The following RCOR1 variants were observed in gnomAD, a reference collection of about 807,000 sequenced individuals.
RCOR1 encodes the protein REST corepressor 1, also known as REST corepressor.
Under a neutral mutation model 64.0 loss-of-function variants are expected in RCOR1, and 12 were observed. The ratio of observed to expected loss-of-function variants is 0.19; its 90% CI spans 0.12 to 0.30. The LOEUF (loss-of-function observed/expected upper bound fraction) is 0.30. Ranked by LOEUF, RCOR1 falls within the 10% of genes least tolerant of loss-of-function variation. The pLI, the probability that RCOR1 is intolerant of heterozygous loss-of-function variation, is 1.00. For missense variants in RCOR1, 502 were observed against 621.2 expected (o/e 0.81, Z 2.04); for synonymous variants, 279 against 227.2 (o/e 1.23, Z -2.05).
At chr14:102,658,520 A>C in intron 2 of RCOR1, 1 of 985,050 alleles carries the variant, frequency 1.0e-6, no homozygotes, top group Non-Finnish European at 1.2e-6. Flanking sequence ...TACTTTTATG[A>C]CTTGAATTAT....
At chr14:102,603,457 T>TG (rs955372227) in intron 2 of RCOR1, among the ~76,000 whole-genome samples, 63 of 152,128 alleles carry the variant, frequency 4.1e-4, no homozygotes, top group African/African-American at 1.3e-3. Context: ...CCGGAGTAGC[T>TG]GGGTTTATAG....
chr14:102,685,628 G>GC (rs1895402780), intron 3 of RCOR1, among the ~76,000 whole-genome samples: 1 of 151,886 alleles, frequency 6.6e-6, no homozygotes, highest in Non-Finnish European at 1.5e-5. Flanking sequence ...GACTACACAC[G>GC]CAGGCCCCTG....
intron 2 of RCOR1, among the ~76,000 whole-genome samples, chr14:102,676,832 A>G (rs1895176258): frequency 1.3e-5 from 1 of 79,578 alleles, no homozygotes; most frequent in Non-Finnish European, 2.3e-5. Context: ...CACCTCCCGG[A>G]CGGGGCGGCT....
chr14:102,675,618 G>A (rs905672900), intron 2 of RCOR1, among the ~76,000 whole-genome samples: 31 of 152,108 alleles, frequency 2.0e-4, no homozygotes, highest in African/African-American at 5.6e-4. Context: ...ACTATTCCTG[G>A]AATTTTCATT....
intron 2 of RCOR1, among the ~76,000 whole-genome samples, chr14:102,630,236 C>T (rs546863716): frequency 2.6e-5 from 4 of 152,210 alleles, no homozygotes; most frequent in East Asian, 1.9e-4. Flanking sequence ...AAAGAGCTGG[C>T]GCCTCTCTCT....
chr14:102,617,540 G>A (rs1893785943), intron 2 of RCOR1, among the ~76,000 whole-genome samples: 1 of 151,334 alleles, frequency 6.6e-6, no homozygotes, highest in African/African-American at 2.4e-5. Context: ...TCTTTGCTGT[G>A]AATAGTCACT....
At chr14:102,598,969 T>A (rs960139137) in intron 2 of RCOR1, among the ~76,000 whole-genome samples, 1 of 152,180 alleles carries the variant, frequency 6.6e-6, no homozygotes, top group Non-Finnish European at 1.5e-5. Flanking sequence ...CCATGCTGTC[T>A]GCCGCAGATT....
At chr14:102,711,948 A>G (rs1024017016) in intron 7 of RCOR1, among the ~76,000 whole-genome samples, 7 of 152,164 alleles carry the variant, frequency 4.6e-5, no homozygotes, top group Admixed American at 4.6e-4. Flanking sequence ...ACTTTTTAAA[A>G]ATAATATAAT....
intron 2 of RCOR1, among the ~76,000 whole-genome samples, chr14:102,597,116 G>GC (rs1278780124): frequency 3.5e-5 from 5 of 143,520 alleles, no homozygotes; most frequent in African/African-American, 5.2e-5. Context: ...CAGGTGATCT[G>GC]CCCCCCTCGG....
intron 2 of RCOR1, among the ~76,000 whole-genome samples, chr14:102,675,237 A>T (rs974533508): frequency 1.3e-5 from 2 of 152,114 alleles, no homozygotes; most frequent in Non-Finnish European, 2.9e-5. Flanking sequence ...GTGTTAAGAC[A>T]TGTATACAAT....
intron 2 of RCOR1, among the ~76,000 whole-genome samples, chr14:102,637,500 G>C (rs1245835015): frequency 6.6e-6 from 1 of 151,972 alleles, no homozygotes. Context: ...GCTGAGGCTG[G>C]AGTTCAGTGG....
intron 4 of RCOR1, among the ~76,000 whole-genome samples, chr14:102,701,628 T>C (rs1425007811): frequency 6.6e-6 from 1 of 152,220 alleles, no homozygotes; most frequent in African/African-American, 2.4e-5. Flanking sequence ...CATTTGAATA[T>C]GTGATTTGTT....
chr14:102,650,712 A>G (rs891689818), intron 2 of RCOR1, among the ~76,000 whole-genome samples: 9 of 152,194 alleles, frequency 5.9e-5, no homozygotes, highest in Non-Finnish European at 1.3e-4. Context: ...ATACTTGGTG[A>G]AATTCCTGTG....
At chr14:102,699,962 T>C (rs1895723922) in intron 3 of RCOR1, among the ~76,000 whole-genome samples, 1 of 152,186 alleles carries the variant, frequency 6.6e-6, no homozygotes, top group South Asian at 2.1e-4. Context: ...TTTTCCTTGG[T>C]ATTTTCCATG....
intron 2 of RCOR1, among the ~76,000 whole-genome samples, chr14:102,663,986 T>G (rs575656708): frequency 1.3e-5 from 2 of 152,334 alleles, no homozygotes; most frequent in South Asian, 4.2e-4. Context: ...CAGTTTCTAG[T>G]GCAGAGTTGA....
chr14:102,655,810 G>A (rs1218077891), intron 2 of RCOR1, among the ~76,000 whole-genome samples: 2 of 151,994 alleles, frequency 1.3e-5, no homozygotes, highest in Non-Finnish European at 2.9e-5. Flanking sequence ...AAAATTAGCC[G>A]GGTGTGGTCA....
intron 2 of RCOR1, among the ~76,000 whole-genome samples, chr14:102,650,512 A>G (rs1401220747): frequency 1.3e-5 from 2 of 152,200 alleles, no homozygotes; most frequent in Non-Finnish European, 2.9e-5. Context: ...GTAGGAAAAA[A>G]GCACACACAT....
At chr14:102,629,314 T>C (rs1273803977) in intron 2 of RCOR1, among the ~76,000 whole-genome samples, 2 of 152,278 alleles carry the variant, frequency 1.3e-5, no homozygotes, top group Admixed American at 1.3e-4. Context: ...TTTTCTTTTT[T>C]CTCATTTACT....
intron 3 of RCOR1, among the ~76,000 whole-genome samples, chr14:102,684,535 AT>A (rs1241723322): frequency 6.6e-6 from 1 of 152,204 alleles, no homozygotes; most frequent in Non-Finnish European, 1.5e-5. Flanking sequence ...GTAGAAATGC[AT>A]TATTTTCTAT....
Sources: allele counts gnomAD v4.1 joint callset (sites outside exome capture counted in the v4.1 genomes callset), GRCh38; gene constraint gnomAD v4.1.1; transcripts MANE v1.5; gene names NCBI Gene and HGNC (gene_info 2026-07-23, HGNC 2026-07-21).